Variants in PXDNL observed in about 807,000 individuals in gnomAD.
PXDNL encodes the protein peroxidasin like.
PXDNL carries 145 observed loss-of-function variants against 150.8 expected under a neutral mutation model. The ratio of observed to expected loss-of-function variants is 0.96; its 90% CI spans 0.84 to 1.10. The LOEUF (loss-of-function observed/expected upper bound fraction) is 1.10, where lower values mean the gene tolerates loss of function less well. Ranked by LOEUF, PXDNL falls within the 50% of genes least tolerant of loss-of-function variation. The pLI is 0.00. For missense variants in PXDNL, 2,087 were observed against 1,873.9 expected, an observed-to-expected ratio of 1.11 and a Z score of -2.10; for synonymous variants, 757 against 725.7, an observed-to-expected ratio of 1.04 and a Z score of -0.69.
chr8:51,375,574 AC>A (rs1563380722), intron 17 of PXDNL, among the ~76,000 whole-genome samples: 1 of 152,208 alleles, frequency 6.6e-6, no homozygotes, highest in Non-Finnish European at 1.5e-5. Context: ...TCAACAGTTT[AC>A]TTGGCGATGC....
At chr8:51,681,043 T>G (rs1378296917) in intron 1 of PXDNL, among the ~76,000 whole-genome samples, 1 of 152,100 alleles carries the variant, frequency 6.6e-6, no homozygotes, top group Non-Finnish European at 1.5e-5. Context: ...GAGCTAACTG[T>G]CACCCCCAGA....
chr8:51,546,541 G>T (rs1812364325), intron 4 of PXDNL, among the ~76,000 whole-genome samples: 1 of 152,176 alleles, frequency 6.6e-6, no homozygotes. Context: ...TAGCAGAATT[G>T]GGGAGGGGCC....
intron 1 of PXDNL, among the ~76,000 whole-genome samples, chr8:51,689,798 G>A (rs73576207): frequency 0.034 from 5,160 of 152,266 alleles, 276 homozygotes; most frequent in African/African-American, 0.11. Flanking sequence ...ATTCTGAGAA[G>A]AATGACGTTC....
intron 1 of PXDNL, among the ~76,000 whole-genome samples, chr8:51,767,776 C>T (rs1334680120): frequency 6.6e-6 from 1 of 152,130 alleles, no homozygotes; most frequent in African/African-American, 2.4e-5. Context: ...GATTTTTGGC[C>T]GTCCTCTTGT....
chr8:51,489,900 A>G (rs557174046), intron 5 of PXDNL, among the ~76,000 whole-genome samples: 1 of 152,346 alleles, frequency 6.6e-6, no homozygotes, highest in East Asian at 1.9e-4. Flanking sequence ...AACACAAGAA[A>G]AAGGAAGAAT....
chr8:51,784,516 C>T (rs1179731800), intron 1 of PXDNL, among the ~76,000 whole-genome samples: 1 of 152,148 alleles, frequency 6.6e-6, no homozygotes, highest in African/African-American at 2.4e-5. Context: ...AGTTCATAAA[C>T]ATTAAATAGA....
intron 1 of PXDNL, among the ~76,000 whole-genome samples, chr8:51,783,288 T>C (rs769885533): frequency 2.0e-5 from 3 of 152,228 alleles, no homozygotes; most frequent in African/African-American, 7.2e-5. Context: ...CCAGGATGTA[T>C]GCACAGCCCG....
At chr8:51,548,928 A>G (rs567674853) in intron 4 of PXDNL, among the ~76,000 whole-genome samples, 2 of 152,286 alleles carry the variant, frequency 1.3e-5, no homozygotes, top group East Asian at 3.9e-4. Flanking sequence ...GCTGTCTTCA[A>G]GAGATCCACC....
At chr8:51,627,950 G>T (rs1814397742) in intron 2 of PXDNL, among the ~76,000 whole-genome samples, 1 of 152,168 alleles carries the variant, frequency 6.6e-6, no homozygotes, top group African/African-American at 2.4e-5. Flanking sequence ...ACTCAGGGAA[G>T]AAAAGCAGCA....
chr8:51,323,940 T>A (rs970372088), intron 21 of PXDNL, among the ~76,000 whole-genome samples: 32 of 125,606 alleles, frequency 2.5e-4, no homozygotes, highest in African/African-American at 1.1e-3. Context: ...TAAAATAAAA[T>A]AAAAAAATAA....
intron 1 of PXDNL, among the ~76,000 whole-genome samples, chr8:51,718,117 C>T (rs1816654517): frequency 6.6e-6 from 1 of 152,184 alleles, no homozygotes; most frequent in African/African-American, 2.4e-5. Context: ...CCTGAGGAGG[C>T]AGGCCTGGTT....
intron 17 of PXDNL, among the ~76,000 whole-genome samples, chr8:51,398,956 T>G (rs1415477492): frequency 6.6e-6 from 1 of 152,142 alleles, no homozygotes; most frequent in Non-Finnish European, 1.5e-5. Context: ...AAATGTAAAT[T>G]CTAGAACTAG....
chr8:51,360,141 A>G (rs2915484), intron 19 of PXDNL, among the ~76,000 whole-genome samples: 111,234 of 151,806 alleles, frequency 0.73, 41,311 homozygotes, highest in East Asian at 0.94. Context: ...TGTGTATCCC[A>G]GACACGTATA....
At position 51,581,493 on chromosome 8, in the gene PXDNL, C is replaced by CTAAATAAATAAATAAATAAATAAA. The variant is rs549807763; in HGVS notation, c.308+11133_308+11134insTTTATTTATTTATTTATTTATTTA. 3.3e-3 allele frequency among the ~76,000 whole-genome samples: 475 copies of CTAAATAAATAAATAAATAAATAAA among 143,866 alleles called. 3 individuals are homozygous for CTAAATAAATAAATAAATAAATAAA. The highest frequency in any genetic ancestry group is 0.013 in the African/African-American group (441 of 34,714). 94.4% of individuals were successfully genotyped at this position (143,866 alleles called of 152,430 possible). A position where few individuals can be genotyped will look rare whatever the true frequency, so the allele number is the denominator to read the frequency against. On this transcript the variant is annotated intron_variant, in intron 3 of 22. Transcript: ENST00000356297. ...TAGATGACAGAGTGAGACCCTGTCTCTAAATAAATAAATAAATAAATTTTA... is the reference window on the plus strand; with the variant it reads ...TAGATGACAGAGTGAGACCCTGTCTCTAAATAAATAAATAAATAAATAAATAAATAAATAAATAAATAAATTTTA...
intron 2 of PXDNL, among the ~76,000 whole-genome samples, chr8:51,650,706 A>T (rs1815016374): frequency 1.3e-5 from 2 of 152,210 alleles, no homozygotes; most frequent in Admixed American, 1.3e-4. Context: ...TGTGGAGATA[A>T]ATTAGTCTAT....
chr8:51,400,594 T>C (rs558402773), intron 17 of PXDNL, among the ~76,000 whole-genome samples: 1 of 152,334 alleles, frequency 6.6e-6, no homozygotes, highest in South Asian at 2.1e-4. Flanking sequence ...TGGAGGATAA[T>C]TGACTGACCA....
chr8:51,434,619 C>T (rs1000194891), intron 12 of PXDNL, among the ~76,000 whole-genome samples: 1 of 152,112 alleles, frequency 6.6e-6, no homozygotes, highest in Non-Finnish European at 1.5e-5. Flanking sequence ...AGAATGTTTG[C>T]TAATAATCTT....
At chr8:51,574,271 TA>T (rs111708198) in intron 3 of PXDNL, among the ~76,000 whole-genome samples, 1 of 150,978 alleles carries the variant, frequency 6.6e-6, no homozygotes, top group Non-Finnish European at 1.5e-5. Flanking sequence ...TCTACTGAAG[TA>T]AAAAAAACTC....
intron 15 of PXDNL, 86 bp from the exon 16 acceptor site, chr8:51,411,493 T>C (rs1007907946): frequency 1.5e-5 from 19 of 1,232,568 alleles, no homozygotes; most frequent in Admixed American, 7.6e-5. Context: ...TAAAAAGGCA[T>C]TTCCCAAACA....
Sources: gnomAD v4.1 joint callset for allele counts (sites outside exome capture counted in the v4.1 genomes callset) on GRCh38, gnomAD v4.1.1 for gene constraint, MANE v1.5 for transcripts, NCBI Gene and HGNC (gene_info 2026-07-23, HGNC 2026-07-21) for gene names.